The following TEK variants were observed in gnomAD, a reference collection of about 807,000 sequenced individuals.
The protein encoded by TEK is angiopoietin-1 receptor.
Under a neutral mutation model 131.8 loss-of-function variants are expected in TEK, and 43 were observed. That is an observed-to-expected ratio of 0.33 (90% CI 0.26 to 0.42). TEK has a LOEUF of 0.42. Ranked by LOEUF, TEK falls within the 10% of genes least tolerant of loss-of-function variation. TEK has a pLI of 1.00. For missense variants in TEK, 1,162 were observed against 1,384.4 expected (o/e 0.84, Z 2.55); for synonymous variants, 580 against 491.6 (o/e 1.18, Z -2.38).
chr9:27,222,559 T>C (rs1042919647), intron 21 of TEK, among the ~76,000 whole-genome samples: 1 of 152,152 alleles, frequency 6.6e-6, no homozygotes, highest in African/African-American at 2.4e-5. Flanking sequence ...GGGCCAGTAT[T>C]CAACATTCTT....
At chr9:27,160,452 A>G (rs1347617061) in intron 2 of TEK, among the ~76,000 whole-genome samples, 2 of 152,158 alleles carry the variant, frequency 1.3e-5, no homozygotes, top group African/African-American at 4.8e-5. Context: ...GAACATGCTT[A>G]CAGATCACCT....
At chr9:27,205,264 T>C (rs923005816) in intron 14 of TEK, among the ~76,000 whole-genome samples, 199 bp downstream of exon 14, 1 of 152,124 alleles carries the variant, frequency 6.6e-6, no homozygotes, top group African/African-American at 2.4e-5. Flanking sequence ...CCAGAACAAT[T>C]TTGAGAGTGA....
At chr9:27,166,533 C>A (rs10967751) in intron 2 of TEK, among the ~76,000 whole-genome samples, 1 of 152,172 alleles carries the variant, frequency 6.6e-6, no homozygotes, top group Non-Finnish European at 1.5e-5. Context: ...TGAATAAAAT[C>A]TAACAAGGTT....
chr9:27,217,464 C>T (rs1449573823), intron 18 of TEK, among the ~76,000 whole-genome samples: 1 of 152,220 alleles, frequency 6.6e-6, no homozygotes. Flanking sequence ...CGTGCACACT[C>T]ACACTTCCAT....
intron 1 of TEK, 24 bp downstream of exon 1, chr9:27,109,666 T>A (rs916749231): frequency 7.4e-6 from 12 of 1,612,092 alleles, no homozygotes; most frequent in East Asian, 2.2e-5. Flanking sequence ...TTATTTTTTT[T>A]AATTTAGTAT....
intron 2 of TEK, among the ~76,000 whole-genome samples, chr9:27,168,225 A>G (rs1460329110): frequency 2.0e-5 from 3 of 152,206 alleles, no homozygotes; most frequent in Non-Finnish European, 2.9e-5. Flanking sequence ...CATCTCCCCA[A>G]CCACTGAATA....
chr9:27,135,262 T>C (rs749484097), intron 1 of TEK, among the ~76,000 whole-genome samples: 32 of 151,952 alleles, frequency 2.1e-4, no homozygotes, highest in Non-Finnish European at 4.0e-4. Context: ...TAGTGTACTA[T>C]TTTTGAGCTG....
At chr9:27,172,520 T>C (rs568548694) in intron 4 of TEK, 96 bp from the exon 5 acceptor site, 204 of 1,521,516 alleles carry the variant, frequency 1.3e-4, no homozygotes, top group Admixed American at 2.0e-4. Flanking sequence ...TTATTCACCA[T>C]TGTCCACTGA....
intron 12 of TEK, among the ~76,000 whole-genome samples, chr9:27,200,954 T>G (rs1165895126): frequency 1.3e-5 from 2 of 152,066 alleles, no homozygotes; most frequent in Non-Finnish European, 2.9e-5. Flanking sequence ...TAATCCACAT[T>G]TTAGTTCTAT....
At chr9:27,163,047 C>T (rs1374145673) in intron 2 of TEK, among the ~76,000 whole-genome samples, 2 of 152,204 alleles carry the variant, frequency 1.3e-5, no homozygotes, top group Non-Finnish European at 2.9e-5. Context: ...ATTTTTGCCA[C>T]ATGTTTTCCT....
In TEK at chr9:27,229,257, T is replaced by G. The variant is rs1306030337; in HGVS notation, c.*25T>G. ...GGACAGAACATCTGTATACCCTCTGTTTCCCTTTCACTGGCATGGGAGACC... is the reference window on the plus strand; with the variant it reads ...GGACAGAACATCTGTATACCCTCTGGTTCCCTTTCACTGGCATGGGAGACC... On this transcript the variant is annotated 3_prime_UTR_variant, in exon 23 of 23. Coordinates refer to ENST00000380036, the MANE Select transcript of TEK (RefSeq NM_000459.5). 1.9e-6 allele frequency: 3 copies of G among 1,611,852 alleles called. No homozygotes were observed. The highest frequency in any genetic ancestry group is 3.3e-5 in the Admixed American group (2 of 59,970).
At chr9:27,224,201 A>G (rs550107358) in intron 21 of TEK, among the ~76,000 whole-genome samples, 10 of 152,324 alleles carry the variant, frequency 6.6e-5, no homozygotes, top group South Asian at 4.1e-4. Context: ...AGCTGGTACC[A>G]TTCCTTCTGC....
At chr9:27,134,393 A>T (rs1390180561) in intron 1 of TEK, among the ~76,000 whole-genome samples, 9 of 152,226 alleles carry the variant, frequency 5.9e-5, no homozygotes, top group Admixed American at 5.9e-4. Flanking sequence ...TTAAAAATTT[A>T]AAATTCGCCA....
chr9:27,128,081 G>C (rs1444190039), intron 1 of TEK, among the ~76,000 whole-genome samples: 1 of 152,164 alleles, frequency 6.6e-6, no homozygotes, highest in Non-Finnish European at 1.5e-5. Flanking sequence ...TATTGCCTAG[G>C]TTTTCTTCTA....
At chr9:27,146,026 G>A (rs1822905286) in intron 1 of TEK, among the ~76,000 whole-genome samples, 1 of 152,152 alleles carries the variant, frequency 6.6e-6, no homozygotes, top group African/African-American at 2.4e-5. Context: ...CTGTTATCAG[G>A]TTGGTGTATG....
intron 1 of TEK, among the ~76,000 whole-genome samples, chr9:27,137,347 G>A (rs1248326929): frequency 6.6e-6 from 1 of 152,142 alleles, no homozygotes; most frequent in Admixed American, 6.5e-5. Flanking sequence ...CATTTAATAA[G>A]TCGCTGAAAT....
chr9:27,140,697 TA>T (rs1822693510), intron 1 of TEK, among the ~76,000 whole-genome samples: 1 of 152,052 alleles, frequency 6.6e-6, no homozygotes, highest in African/African-American at 2.4e-5. Flanking sequence ...TAGTCTACTT[TA>T]TCTGTCAAAA....
chr9:27,229,441 G>A lies in TEK; in HGVS notation c.*209G>A. On this transcript the variant is annotated 3_prime_UTR_variant, in exon 23 of 23. Transcript: ENST00000380036. ...GGACTGTATATACTGTTTTAAGAAT[G>A]GGCTGAAATCAGAATGCCTGTTTGT... 3 of 588,514 alleles carry A rather than the reference G, an allele frequency of 5.1e-6. No homozygotes were observed. The highest frequency in any genetic ancestry group is 9.1e-6 in the Non-Finnish European group (3 of 328,434). 36.5% of individuals were successfully genotyped at this position (588,514 alleles called of 1,614,324 possible). A position where few individuals can be genotyped will look rare whatever the true frequency, so the allele number is the denominator to read the frequency against.
chr9:27,164,086 T>A (rs1823635816), intron 2 of TEK, among the ~76,000 whole-genome samples: 1 of 152,156 alleles, frequency 6.6e-6, no homozygotes, highest in African/African-American at 2.4e-5. Context: ...TAACATTACA[T>A]AATCTATGAA....
Sources: allele counts gnomAD v4.1 joint callset (sites outside exome capture counted in the v4.1 genomes callset), GRCh38; gene constraint gnomAD v4.1.1; transcripts MANE v1.5; gene names NCBI Gene and HGNC (gene_info 2026-07-23, HGNC 2026-07-21).